ZCCHC14: variants seen among roughly 807,000 people sequenced by gnomAD.
ZCCHC14 encodes the protein zinc finger CCHC-type containing 14.
In ZCCHC14, 16 loss-of-function variants were observed where a neutral mutation model predicts 85.0. The observed-to-expected ratio is 0.19, with a 90% confidence interval of 0.13 to 0.29. The LOEUF (loss-of-function observed/expected upper bound fraction) is 0.29. ZCCHC14 is among the 10% of genes least tolerant of loss of function. The pLI, the probability that ZCCHC14 is intolerant of heterozygous loss-of-function variation, is 1.00. For missense variants in ZCCHC14, 1,303 were observed against 1,443.5 expected, an observed-to-expected ratio of 0.90 and a Z score of 1.58; for synonymous variants, 775 against 630.7, an observed-to-expected ratio of 1.23 and a Z score of -3.43.
intron 1 of ZCCHC14, among the ~76,000 whole-genome samples, chr16:87,465,430 A>G (rs1250414932): frequency 6.6e-6 from 1 of 152,228 alleles, no homozygotes; most frequent in Non-Finnish European, 1.5e-5. Flanking sequence ...CCACATCTAC[A>G]AAGCGCTAAC....
chr16:87,429,197 G>A (rs1909524761), intron 3 of ZCCHC14, among the ~76,000 whole-genome samples: 2 of 152,214 alleles, frequency 1.3e-5, no homozygotes, highest in South Asian at 4.1e-4. Flanking sequence ...CCTGAGGTGG[G>A]TGGGGCCGGC....
intron 2 of ZCCHC14, among the ~76,000 whole-genome samples, chr16:87,446,976 C>G (rs534129120): frequency 6.6e-6 from 1 of 152,090 alleles, no homozygotes; most frequent in Non-Finnish European, 1.5e-5. Context: ...TATGAGCCAC[C>G]GTGCCCGGCC....
At chr16:87,410,378 G>C (rs1433214459) in intron 12 of ZCCHC14, 43 bp from the exon 13 acceptor site, 1 of 757,678 alleles carries the variant, frequency 1.3e-6, no homozygotes, top group Non-Finnish European at 2.4e-6. Context: ...AATGACTGTA[G>C]AATCACCACC....
In ZCCHC14 at chr16:87,411,871, C is replaced by T. The variant is rs1401687185; in HGVS notation, c.2850G>A (p.Pro950=). 5.0e-6 allele frequency: 8 copies of T among 1,603,920 alleles called. No homozygotes were observed. Among genetic ancestry groups the T allele is most frequent in the Non-Finnish European group, 5.1e-6 (6 of 1,176,116 alleles). ...AGGTGAACACGGACGGACCGGAGAA[C>T]GGGTGCTGGAAGTAGTTGGCGTAGC... ...TVSYANYFQH[P]FSGPSVFTFP... is the part of the protein sequence containing the mutation. The change falls in exon 12 of 13, where the codon CCG becomes CCA. Residue 950 remains proline (P), a synonymous_variant. Coordinates refer to ENST00000671377, the MANE Select transcript of ZCCHC14 (RefSeq NM_015144.3).
In ZCCHC14 at chr16:87,423,838, G is replaced by T; in HGVS notation, c.812C>A (p.Ser271Tyr). The change falls in exon 4 of 13, where the codon TCC becomes TAC. Residue 271 changes from serine (S) to tyrosine (Y), a missense_variant. Around this residue, in one of 7 missense-constraint regions of ZCCHC14, gnomAD observed 389 missense variants for 397.8 expected, o/e 0.98. Coordinates refer to ENST00000671377, the MANE Select transcript of ZCCHC14 (RefSeq NM_015144.3). ...DSSITSVTKS[S>Y]SEVTEFISKL... The stretch of plus-strand genomic sequence containing the variant: ...TGAAATAAATTCCGTCACTTCAGAG[G>T]AAGATTTGGTTACTGATGTTATTGA... 6.2e-7 allele frequency: 1 copy of T among 1,614,154 alleles called. No homozygotes were observed. Among genetic ancestry groups the T allele is most frequent in the Non-Finnish European group, 8.5e-7 (1 of 1,180,010 alleles).
chr16:87,462,172 T>C lies in ZCCHC14; in HGVS notation c.571-2041A>G, dbSNP rs376011307. On this transcript the variant is annotated intron_variant, in intron 1 of 12. Coordinates refer to ENST00000671377, the MANE Select transcript of ZCCHC14 (RefSeq NM_015144.3). ...TGCAGCAACTCCTCCAGAAAGTCAATTCTTTGGATAACTTAATAACATGTT... is the reference window on the plus strand; with the variant it reads ...TGCAGCAACTCCTCCAGAAAGTCAACTCTTTGGATAACTTAATAACATGTT... Among the ~76,000 whole-genome samples the C allele has an allele frequency of 4.6e-4, 70 of 150,680 alleles. 1 individual carries two copies. Among genetic ancestry groups the C allele is most frequent in the African/African-American group, 1.6e-3 (67 of 41,094 alleles).
At chr16:87,417,283 G>A (rs1484173271) in intron 8 of ZCCHC14, among the ~76,000 whole-genome samples, 177 bp downstream of exon 8, 1 of 152,146 alleles carries the variant, frequency 6.6e-6, no homozygotes, top group Admixed American at 6.5e-5. Context: ...CCTGTTTGTG[G>A]CTGGCTGCAG....
intron 2 of ZCCHC14, among the ~76,000 whole-genome samples, chr16:87,457,485 C>A (rs1911033239): frequency 6.6e-6 from 1 of 152,098 alleles, no homozygotes; most frequent in African/African-American, 2.4e-5. Flanking sequence ...TATAATCAGC[C>A]CTCAAAGGGC....
At chr16:87,476,067 C>A (rs146332501) in intron 1 of ZCCHC14, among the ~76,000 whole-genome samples, 5 of 152,312 alleles carry the variant, frequency 3.3e-5, no homozygotes, top group Non-Finnish European at 5.9e-5. Context: ...GTCTCGACTT[C>A]TCTCAAAGTC....
At chr16:87,461,988 C>T (rs1911281895) in intron 1 of ZCCHC14, among the ~76,000 whole-genome samples, 2 of 152,226 alleles carry the variant, frequency 1.3e-5, no homozygotes, top group South Asian at 4.1e-4. Context: ...GAAAATAAGG[C>T]CGGGCGCAGC....
At chr16:87,472,417 A>C (rs1214876465) in intron 1 of ZCCHC14, 1 of 152,384 alleles carries the variant, frequency 6.6e-6, no homozygotes, top group African/African-American at 2.4e-5. Flanking sequence ...CCAGGCTGGC[A>C]CCGTGCACCG....
At chr16:87,421,052 T>G (rs1347190604) in intron 4 of ZCCHC14, among the ~76,000 whole-genome samples, 1 of 152,220 alleles carries the variant, frequency 6.6e-6, no homozygotes, top group Non-Finnish European at 1.5e-5. Flanking sequence ...AAGGCCCTGG[T>G]GGCTGCCACA....
intron 2 of ZCCHC14, among the ~76,000 whole-genome samples, chr16:87,455,316 G>A (rs1910905331): frequency 6.6e-6 from 1 of 151,208 alleles, no homozygotes; most frequent in Non-Finnish European, 1.5e-5. Context: ...AAAAATACTG[G>A]AAAGTGAACG....
chr16:87,442,396 A>T (rs528735261), intron 2 of ZCCHC14, among the ~76,000 whole-genome samples: 1 of 152,176 alleles, frequency 6.6e-6, no homozygotes, highest in Non-Finnish European at 1.5e-5. Flanking sequence ...GTATCATACT[A>T]TTCAAGAAAA....
intron 1 of ZCCHC14, among the ~76,000 whole-genome samples, chr16:87,474,867 AGGT>A (rs982869949): frequency 2.0e-5 from 3 of 152,234 alleles, no homozygotes; most frequent in African/African-American, 7.2e-5. Flanking sequence ...CAGGACAGCA[AGGT>A]CACACTACAG....
At chr16:87,419,738 T>A (rs78067254) in intron 6 of ZCCHC14, 45 bp downstream of exon 6, 3 of 1,350,674 alleles carry the variant, frequency 2.2e-6, no homozygotes, top group Non-Finnish European at 3.0e-6. Flanking sequence ...GCCCAGCTGT[T>A]TTTTTTTTTT....
At chr16:87,429,515 G>T (rs1336628410) in intron 3 of ZCCHC14, among the ~76,000 whole-genome samples, 2 of 152,088 alleles carry the variant, frequency 1.3e-5, no homozygotes, top group African/African-American at 4.8e-5. Context: ...AACTTGTTGG[G>T]CATGGCGGCT....
At chr16:87,465,716 G>T (rs1403215942) in intron 1 of ZCCHC14, among the ~76,000 whole-genome samples, 2 of 152,192 alleles carry the variant, frequency 1.3e-5, no homozygotes, top group Non-Finnish European at 2.9e-5. Context: ...GTGGGCCTGA[G>T]AATCTTGCAT....
At chr16:87,464,428 C>T (rs1245876635) in intron 1 of ZCCHC14, among the ~76,000 whole-genome samples, 1 of 152,194 alleles carries the variant, frequency 6.6e-6, no homozygotes. Flanking sequence ...TTTTATACTG[C>T]ACCCATCATC....
Sources: gnomAD v4.1 joint callset for allele counts (sites outside exome capture counted in the v4.1 genomes callset) on GRCh38, gnomAD v4.1.1 for gene constraint, gnomAD v4.1.1 regional missense constraint, MANE v1.5 for transcripts, NCBI Gene and HGNC (gene_info 2026-07-23, HGNC 2026-07-21) for gene names.